The following MYO18B variants were observed in gnomAD, a reference collection of about 807,000 sequenced individuals.
The protein encoded by MYO18B is unconventional myosin-XVIIIb.
A neutral mutation model predicts 273.0 loss-of-function variants in MYO18B; 204 were observed. That is an observed-to-expected ratio of 0.75 (90% CI 0.67 to 0.84). MYO18B has a LOEUF of 0.84. Among genes scored for constraint, MYO18B ranks in the 40% least tolerant of loss-of-function variants. The pLI, the probability that MYO18B is intolerant of heterozygous loss-of-function variation, is 0.00. For missense variants in MYO18B, 3,212 were observed against 3,287.6 expected (o/e 0.98, Z 0.56); for synonymous variants, 1,330 against 1,305.7 (o/e 1.02, Z -0.40).
chr22:25,876,522 C>T (rs2091203882), intron 24 of MYO18B, among the ~76,000 whole-genome samples, 190 bp downstream of exon 24: 1 of 152,202 alleles, frequency 6.6e-6, no homozygotes, highest in Non-Finnish European at 1.5e-5. Flanking sequence ...ATCCCATGCC[C>T]AGCTCCTCTC....
chr22:25,813,978 C>T (rs974841654), intron 12 of MYO18B, among the ~76,000 whole-genome samples: 5 of 152,216 alleles, frequency 3.3e-5, no homozygotes, highest in Non-Finnish European at 4.4e-5. Flanking sequence ...GGGATTTATT[C>T]TGCATTTTCT....
chr22:26,049,815 C>T, the MYO18B span, among the ~76,000 whole-genome samples: 1 of 152,188 alleles, frequency 6.6e-6, no homozygotes, highest in Non-Finnish European at 1.5e-5. Flanking sequence ...GTTTCCTCAT[C>T]TATAATCATA....
At chr22:25,891,673 A>C (rs547416633) in intron 27 of MYO18B, among the ~76,000 whole-genome samples, 1 of 152,322 alleles carries the variant, frequency 6.6e-6, no homozygotes, top group Non-Finnish European at 1.5e-5. Flanking sequence ...GCAAAGAATG[A>C]TTTTTAAATA....
chr22:25,907,742 G>A (rs1216468250), intron 31 of MYO18B, among the ~76,000 whole-genome samples: 2 of 152,162 alleles, frequency 1.3e-5, no homozygotes, highest in African/African-American at 4.8e-5. Flanking sequence ...TCTTAAGAGT[G>A]TTGAGAAGGG....
chr22:25,808,125 CCTT>C (rs1370167273), intron 12 of MYO18B, among the ~76,000 whole-genome samples: 1 of 152,124 alleles, frequency 6.6e-6, no homozygotes, highest in Non-Finnish European at 1.5e-5. Flanking sequence ...CCCCAAAAGA[CCTT>C]CTTCCTACAG....
chr22:25,995,862 G>T (rs984537270), intron 40 of MYO18B, among the ~76,000 whole-genome samples: 5 of 152,126 alleles, frequency 3.3e-5, no homozygotes, highest in Admixed American at 6.5e-5. Context: ...TCCCTGCTGG[G>T]CGTCTGATGT....
At position 25,862,854 on chromosome 22, in the gene MYO18B, G is replaced by GA. The variant is rs201774229; in HGVS notation, c.3886-5466_3886-5465insA. ...TGCATAGACTTTTTTTTTGGGGGGG[G>GA]GTGTCAAATTTGGGAAGTTTCTAGC... On this transcript the variant is annotated intron_variant, in intron 21 of 43. Coordinates refer to ENST00000335473, the MANE Select transcript of MYO18B (RefSeq NM_032608.7). Among the ~76,000 whole-genome samples the GA allele has an allele frequency of 3.3e-3, 487 of 149,718 alleles. 13 individuals are homozygous for GA. The highest frequency in any genetic ancestry group is 2.2e-3 in the East Asian group (11 of 5,064).
chr22:26,005,781 A>C (rs1453451318), intron 42 of MYO18B, among the ~76,000 whole-genome samples: 1 of 152,174 alleles, frequency 6.6e-6, no homozygotes, highest in African/African-American at 2.4e-5. Flanking sequence ...GCTTTGATGC[A>C]GGGGTTGTCT....
chr22:25,955,341 G>A lies in MYO18B; in HGVS notation c.6133G>A (p.Ala2045Thr). ...MEELVQREAE[A>T]SRRCMELEKY... is the part of the protein sequence containing the mutation. ...AGAGCTGGTGCAGCGGGAGGCAGAG[G>A]CCAGCCGGCGGTGCATGGAGCTGGT... is the stretch of plus-strand genomic sequence containing the variant. Residue 2045 changes from alanine (A) to threonine (T), a missense_variant, in exon 39 of 44, where the codon GCC (alanine) becomes ACC (threonine). By Grantham distance (58) the Ala-to-Thr change is moderately conservative. Transcript: ENST00000335473. The A allele has an allele frequency of 4.3e-6, 7 of 1,613,468 alleles. No homozygotes were observed. The highest frequency in any genetic ancestry group is 5.9e-6 in the Non-Finnish European group (7 of 1,179,700).
chr22:25,910,287 G>A (rs2092129999), intron 32 of MYO18B, among the ~76,000 whole-genome samples: 1 of 152,162 alleles, frequency 6.6e-6, no homozygotes, highest in African/African-American at 2.4e-5. Flanking sequence ...TGTCTTCCTG[G>A]CTTGCAGACC....
At chr22:25,884,036 G>C (rs1159901889) in intron 25 of MYO18B, among the ~76,000 whole-genome samples, 1 of 152,090 alleles carries the variant, frequency 6.6e-6, no homozygotes, top group Admixed American at 6.5e-5. Context: ...TCTGGAATAG[G>C]TTCTGGATTT....
At chr22:26,040,574 A>G in the MYO18B span, among the ~76,000 whole-genome samples, 1 of 152,240 alleles carries the variant, frequency 6.6e-6, no homozygotes, top group African/African-American at 2.4e-5. Context: ...ACTAGAAGGC[A>G]TTGGAAGTGG....
intron 12 of MYO18B, among the ~76,000 whole-genome samples, chr22:25,800,144 A>G (rs2088125742): frequency 6.6e-6 from 1 of 152,112 alleles, no homozygotes; most frequent in Non-Finnish European, 1.5e-5. Context: ...TGAGGATGCA[A>G]AGGCATAAGA....
chr22:26,005,440 G>A (rs1601814369), intron 42 of MYO18B, among the ~76,000 whole-genome samples: 1 of 152,156 alleles, frequency 6.6e-6, no homozygotes, highest in Middle Eastern at 3.4e-3. Flanking sequence ...CCTGATATGG[G>A]AGCCTCACAA....
intron 1 of MYO18B, among the ~76,000 whole-genome samples, chr22:25,748,692 C>T (rs1022077947): frequency 7.9e-5 from 12 of 152,274 alleles, no homozygotes; most frequent in Admixed American, 4.6e-4. Flanking sequence ...TTCCTTCCTC[C>T]CTCCCTCTTC....
rs2093280280 is a variant in MYO18B, at chr22:25,992,494, G to A, written c.6287+1G>A. ...CATCCAGTGACAGTGATACTGAGAG[G>A]TAACTTGCTAGGGGCTCGGCGGGGC... On this transcript the variant is annotated splice_donor_variant, in intron 40 of 43. Coordinates refer to ENST00000335473, the MANE Select transcript of MYO18B (RefSeq NM_032608.7). LOFTEE classifies it high-confidence loss of function. 6.2e-7 allele frequency: 1 copy of A among 1,613,770 alleles called. No homozygotes were observed. The highest frequency in any genetic ancestry group is 1.3e-5 in the African/African-American group (1 of 74,932).
At chr22:25,868,559 A>G (rs764209841) in intron 22 of MYO18B, among the ~76,000 whole-genome samples, 174 bp downstream of exon 22, 12 of 152,192 alleles carry the variant, frequency 7.9e-5, no homozygotes, top group Non-Finnish European at 1.5e-4. Context: ...TGGAGAGACA[A>G]TGTCATAATA....
In MYO18B at chr22:25,873,557, C is replaced by T. The variant is rs542335290; in HGVS notation, c.3952-729C>T. On this transcript the variant is annotated intron_variant, in intron 22 of 43. Transcript: ENST00000335473. ...CCGGGTTCAAGCGATTCTCCTGCCTCAGCCTCCCGAGTAGCTGGGATTACA... is the reference window on the plus strand; with the variant it reads ...CCGGGTTCAAGCGATTCTCCTGCCTTAGCCTCCCGAGTAGCTGGGATTACA... Among the ~76,000 whole-genome samples the T allele has an allele frequency of 6.6e-5, 10 of 152,358 alleles. 2 individuals are homozygous for T. The South Asian group carries it at 1.9e-3, about 28-fold the overall frequency.
At chr22:26,046,815 C>T in the MYO18B span, among the ~76,000 whole-genome samples, 22 of 152,116 alleles carry the variant, frequency 1.4e-4, no homozygotes, top group Non-Finnish European at 2.1e-4. Flanking sequence ...GGAAACAAAC[C>T]ACCCCAACAC....
Sources: gnomAD v4.1 joint callset for allele counts (sites outside exome capture counted in the v4.1 genomes callset) on GRCh38, gnomAD v4.1.1 for gene constraint, MANE v1.5 for transcripts, NCBI Gene and HGNC (gene_info 2026-07-23, HGNC 2026-07-21) for gene names.